Variants in ZNF668 observed in about 807,000 individuals in gnomAD.
The protein encoded by ZNF668 is zinc finger protein 668.
ZNF668 carries 10 observed loss-of-function variants against 40.3 expected under a neutral mutation model. That is an observed-to-expected ratio of 0.25 (90% CI 0.15 to 0.42). The LOEUF (loss-of-function observed/expected upper bound fraction) is 0.42, where lower values mean the gene tolerates loss of function less well. Ranked by LOEUF, ZNF668 falls within the 10% of genes least tolerant of loss-of-function variation. The probability of loss-of-function intolerance (pLI) is 1.00; values close to 1 mark genes in which losing one functional copy is unlikely to be tolerated. For synonymous variants in ZNF668, 428 were observed against 384.6 expected, an observed-to-expected ratio of 1.11 and a Z score of -1.32; for missense variants, 749 against 904.6, an observed-to-expected ratio of 0.83 and a Z score of 2.21.
intron 2 of ZNF668, chr16:31,062,730 C>T (rs1455383658): frequency 7.2e-6 from 1 of 138,124 alleles, no homozygotes; most frequent in African/African-American, 2.7e-5. Context: ...TGCCACTGCA[C>T]TCCAGCCTGG....
At position 31,062,293 on chromosome 16, in the gene ZNF668, G is replaced by T. The variant is rs752678081; in HGVS notation, c.648-13C>A. ...GCCGGTGTGGGACCTGCGGGGGTGT[G>T]GAGGACTTGGCATGAAGGCGACAGA... On this transcript the variant is annotated splice_polypyrimidine_tract_variant and intron_variant, in intron 2 of 2. Coordinates refer to ENST00000300849, the MANE Select transcript of ZNF668 (RefSeq NM_024706.5). 5 of 1,581,820 alleles carry T rather than the reference G, an allele frequency of 3.2e-6. No individual in the cohort carries two copies. The highest frequency in any genetic ancestry group is 4.3e-6 in the Non-Finnish European group (5 of 1,165,722).
chr16:31,062,398 C>A (rs1169926913), intron 2 of ZNF668, 118 bp from the exon 3 acceptor site: 1 of 1,394,544 alleles, frequency 7.2e-7, no homozygotes. Context: ...GGCTTAATCC[C>A]CTAAGAGCCA....
In ZNF668 at chr16:31,061,698, G is replaced by A; in HGVS notation, c.1230C>T (p.His410=). The A allele has an allele frequency of 1.2e-6, 2 of 1,613,606 alleles. No homozygotes were observed. Among genetic ancestry groups the A allele is most frequent in the African/African-American group, 1.3e-5 (1 of 75,050 alleles). ...CCTCACTGCTTCGATGGGTCCGCTC[G>A]TGCTTCCTCAGGCTCGACGACACCA... ...SFVVSSSLRK[H]ERTHRSSEAA... is the part of the protein sequence containing the mutation. The change falls in exon 3 of 3, where the codon CAC becomes CAT. Residue 410 remains histidine, a synonymous_variant. Transcript: ENST00000300849. The surrounding 1 kb of genome is among the most constrained non-coding windows in gnomAD (Gnocchi z 7.7).
Position 31,064,406 on chromosome 16 carries a change from C to A in ZNF668, c.54G>T (p.Ser18=). The stretch of plus-strand genomic sequence containing the variant: ...AGGACAGGCACTTGTAGCGGCGGCC[C>A]GAGCGCTTGTAGCCGGGGGCTGGGG... ...ARSPAPGYKR[S]GRRYKCLSCT... is the part of the protein sequence containing the mutation. The change falls in exon 2 of 3, where the codon TCG becomes TCT. Residue 18 remains serine (S), a synonymous_variant. Coordinates refer to ENST00000300849, the MANE Select transcript of ZNF668 (RefSeq NM_024706.5). 3 of 1,613,360 alleles carry A rather than the reference C, an allele frequency of 1.9e-6. No homozygotes were observed. Among genetic ancestry groups the A allele is most frequent in the Non-Finnish European group, 2.5e-6 (3 of 1,179,984 alleles).
intron 1 of ZNF668, chr16:31,066,492 G>T: frequency 2.1e-6 from 1 of 473,800 alleles, no homozygotes; most frequent in Non-Finnish European, 2.8e-6. Flanking sequence ...AGGGGTTCGA[G>T]GCTGCAGGGA....
rs1473353128 is a variant in ZNF668 at position 31,068,239 on chromosome 16, A to AAAAAAAAAT, written c.-22-3759_-22-3758insATTTTTTTT. 6.6e-3 allele frequency among the ~76,000 whole-genome samples: 546 copies of AAAAAAAAAT among 82,884 alleles called. 6 individuals are homozygous for AAAAAAAAAT. The highest frequency in any genetic ancestry group is 0.018 in the East Asian group (50 of 2,744). The allele number at this position is 82,884 out of a possible 152,430, so 54.4% of individuals were successfully genotyped here. On this transcript the variant is annotated intron_variant, in intron 1 of 2. Transcript: ENST00000300849. ...CACCATTAAAAAAAAAAAAAAAAAA[A>AAAAAAAAAT]ATATATATATATATATATATATATA...
intron 1 of ZNF668, among the ~76,000 whole-genome samples, chr16:31,067,054 C>CA (rs2143771474): frequency 6.6e-6 from 1 of 152,020 alleles, no homozygotes; most frequent in South Asian, 2.1e-4. Context: ...CCCATTTCTA[C>CA]AAAAAATACA....
chr16:31,066,734 G>C (rs1292132193), intron 1 of ZNF668, among the ~76,000 whole-genome samples: 1 of 151,606 alleles, frequency 6.6e-6, no homozygotes, highest in Non-Finnish European at 1.5e-5. Flanking sequence ...ATCAATCCTG[G>C]GGCTTGAAGA....
At chr16:31,070,819 G>C (rs892274564) in intron 1 of ZNF668, among the ~76,000 whole-genome samples, 1 of 152,086 alleles carries the variant, frequency 6.6e-6, no homozygotes, top group Non-Finnish European at 1.5e-5. Context: ...GGGATTACAG[G>C]CATGAGCCAC....
chr16:31,061,713 C>G lies in ZNF668; in HGVS notation c.1215G>C (p.Ser405=). ...NACGKSFVVS[S]SLRKHERTHR... is the part of the protein sequence containing the mutation. ...GGGTCCGCTCGTGCTTCCTCAGGCT[C>G]GACGACACCACAAAGGATTTCCCAC... is the stretch of plus-strand genomic sequence containing the variant. The change falls in exon 3 of 3, where the codon TCG becomes TCC. Residue 405 remains serine, a synonymous_variant. Coordinates refer to ENST00000300849, the MANE Select transcript of ZNF668 (RefSeq NM_024706.5). This position sits in a 1 kb window ranked among gnomAD's most constrained non-coding sequence, Gnocchi z 7.7. 1 of 1,613,694 alleles carries G rather than the reference C, an allele frequency of 6.2e-7. No homozygotes were observed. Among genetic ancestry groups the G allele is most frequent in the Middle Eastern group, 1.6e-4 (1 of 6,062 alleles).
intron 2 of ZNF668, among the ~76,000 whole-genome samples, chr16:31,063,290 G>A (rs1045065891): frequency 1.3e-5 from 2 of 151,810 alleles, no homozygotes; most frequent in Non-Finnish European, 2.9e-5. Flanking sequence ...ACATCCCCAC[G>A]CTCGGGTAAT....
intron 1 of ZNF668, among the ~76,000 whole-genome samples, chr16:31,065,859 A>AAT (rs900041191): frequency 7.9e-5 from 12 of 152,012 alleles, no homozygotes; most frequent in Admixed American, 2.6e-4. Context: ...GTCTCAAAAA[A>AAT]AAAAAAATAA....
intron 1 of ZNF668, among the ~76,000 whole-genome samples, chr16:31,068,240 A>AAAAAAAAAAAAATATATATT (rs58239340): frequency 1.5e-5 from 1 of 68,830 alleles, no homozygotes; most frequent in Non-Finnish European, 2.5e-5. Context: ...AAAAAAAAAA[A>AAAAAAAAAAAAATATATATT]TATATATATA....
In ZNF668 at chr16:31,061,688, G is replaced by C; in HGVS notation, c.1240C>G (p.His414Asp). The change falls in exon 3 of 3, where the codon CAT (histidine) becomes GAT (aspartate). Residue 414 changes from histidine (H) to aspartate (D), a missense_variant. His to Asp is a moderately conservative substitution (Grantham distance 81, BLOSUM62 -1). Transcript: ENST00000300849. The surrounding 1 kb of genome is among the most constrained non-coding windows in gnomAD (Gnocchi z 7.7). ...SSSLRKHERT[H>D]RSSEAAGVPP... ...ACACCCGCGGCCTCACTGCTTCGAT[G>C]GGTCCGCTCGTGCTTCCTCAGGCTC... The C allele has an allele frequency of 6.2e-7, 1 of 1,613,564 alleles. No homozygotes were observed. The highest frequency in any genetic ancestry group is 8.5e-7 in the Non-Finnish European group (1 of 1,179,912).
rs1473353128 is a variant in ZNF668, at chr16:31,068,239, A to AAAAATAT, written c.-22-3759_-22-3758insATATTTT. On this transcript the variant is annotated intron_variant, in intron 1 of 2. Transcript: ENST00000300849. ...CACCATTAAAAAAAAAAAAAAAAAA[A>AAAAATAT]ATATATATATATATATATATATATA... 1.2e-4 allele frequency among the ~76,000 whole-genome samples: 10 copies of AAAAATAT among 82,990 alleles called. No homozygotes were observed. In the East Asian group the frequency reaches 2.2e-3, roughly 18 times the overall value. 54.4% of individuals were successfully genotyped at this position (82,990 alleles called of 152,430 possible).
intron 1 of ZNF668, among the ~76,000 whole-genome samples, chr16:31,068,236 AAAAATATATAT>A (rs1425750802): frequency 2.2e-5 from 2 of 91,390 alleles, no homozygotes; most frequent in South Asian, 5.5e-4. Context: ...AAAAAAAAAA[AAAAATATATAT>A]ATATATATAT....
At chr16:31,068,239 A>AAAAAAAAAAATATAT (rs1473353128) in intron 1 of ZNF668, among the ~76,000 whole-genome samples, 9 of 83,010 alleles carry the variant, frequency 1.1e-4, no homozygotes, top group African/African-American at 3.5e-4. Flanking sequence ...AAAAAAAAAA[A>AAAAAAAAAAATATAT]ATATATATAT....
At position 31,061,671 on chromosome 16, in the gene ZNF668, G is replaced by A. The variant is rs149874277; in HGVS notation, c.1257C>T (p.Ala419=). Residue 419 remains alanine, a synonymous_variant, in exon 3 of 3, where the codon GCC becomes GCT. Transcript: ENST00000300849. This position sits in a 1 kb window ranked among gnomAD's most constrained non-coding sequence, Gnocchi z 7.7. The part of the protein sequence containing the change: ...KHERTHRSSE[A]AGVPPAQELV... ...GCTCCTGTGCAGGGGGCACACCCGC[G>A]GCCTCACTGCTTCGATGGGTCCGCT... 3.7e-6 allele frequency: 6 copies of A among 1,613,296 alleles called. No individual in the cohort carries two copies. The African/African-American group carries it at 4.0e-5, about 11-fold the overall frequency.
rs943533202 is a variant in ZNF668, at chr16:31,064,353, C to T, written c.107G>A (p.Arg36Lys). ...ATGTGTGGCAGCGTGGCGCGCTGCC[C>T]TGGGCGCGTTTGGAAATGTCTTGGT... Reference protein sequence around the residue: ...SCTKTFPNAPRAARHAATHGP... With the variant: ...SCTKTFPNAPKAARHAATHGP... The change falls in exon 2 of 3, where the codon AGG (arginine) becomes AAG (lysine). Residue 36 changes from arginine to lysine, a missense_variant. Coordinates refer to ENST00000300849, the MANE Select transcript of ZNF668 (RefSeq NM_024706.5). The T allele has an allele frequency of 2.5e-6, 4 of 1,613,980 alleles. No individual in the cohort carries two copies. Among genetic ancestry groups the T allele is most frequent in the East Asian group, 2.2e-5 (1 of 44,876 alleles).
Sources: allele counts gnomAD v4.1 joint callset (sites outside exome capture counted in the v4.1 genomes callset), GRCh38; gene constraint gnomAD v4.1.1; non-coding constraint Gnocchi (gnomAD v3.1); transcripts MANE v1.5; gene names NCBI Gene and HGNC (gene_info 2026-07-23, HGNC 2026-07-21).